WWOX: variants seen among roughly 807,000 people sequenced by gnomAD.
WWOX encodes the protein WW domain-containing oxidoreductase.
Under a neutral mutation model 46.2 loss-of-function variants are expected in WWOX, and 69 were observed. That is an observed-to-expected ratio of 1.49 (90% CI 1.23 to 1.82). The LOEUF is 1.82. WWOX is among the 40% of genes most tolerant of loss of function. The pLI is 0.00. For missense variants in WWOX, 919 were observed against 542.6 expected, an observed-to-expected ratio of 1.69 and a Z score of -6.89; for synonymous variants, 359 against 202.6, an observed-to-expected ratio of 1.77 and a Z score of -6.56.
At chr16:78,109,449 G>T (rs1043946840) in intron 2 of WWOX, among the ~76,000 whole-genome samples, 2 of 152,306 alleles carry the variant, frequency 1.3e-5, no homozygotes, top group South Asian at 2.1e-4. Flanking sequence ...AATGACGTTG[G>T]GTGCCTGCCC....
chr16:78,631,896 A>G (rs1447681966), intron 8 of WWOX, among the ~76,000 whole-genome samples: 1 of 152,166 alleles, frequency 6.6e-6, no homozygotes, highest in Non-Finnish European at 1.5e-5. Context: ...TCTGTCTTAC[A>G]TGCACTTTTT....
At position 79,202,315 on chromosome 16, in the gene WWOX, G is replaced by A. The variant is rs193123371; in HGVS notation, c.1057-9293G>A. Among the ~76,000 whole-genome samples the A allele has an allele frequency of 1.4e-3, 219 of 152,274 alleles. 2 individuals carry two copies. The highest frequency in any genetic ancestry group is 4.4e-3 in the Admixed American group (67 of 15,292). On this transcript the variant is annotated intron_variant, in intron 8 of 8. Transcript: ENST00000566780. ...TTGGCCTTGACCTGACTCAGTCTCC[G>A]TATTGTTGAGATGGGAATGACGGGA...
intron 4 of WWOX, among the ~76,000 whole-genome samples, chr16:78,127,437 T>A (rs1440283093): frequency 6.6e-6 from 1 of 151,614 alleles, no homozygotes; most frequent in Non-Finnish European, 1.5e-5. Flanking sequence ...CACTGGCTTG[T>A]CTTTGGTATG....
At chr16:78,455,682 G>T (rs1437384057) in intron 8 of WWOX, among the ~76,000 whole-genome samples, 33 of 138,132 alleles carry the variant, frequency 2.4e-4, no homozygotes, top group African/African-American at 8.5e-4. Flanking sequence ...CAAAATTGAT[G>T]CAAAAAATAT....
chr16:78,997,662 C>G (rs761830600), intron 8 of WWOX, among the ~76,000 whole-genome samples: 18 of 152,100 alleles, frequency 1.2e-4, no homozygotes, highest in Non-Finnish European at 2.5e-4. Context: ...CCCTCCCTGT[C>G]TCTCCCCTCT....
intron 8 of WWOX, among the ~76,000 whole-genome samples, chr16:78,648,729 C>G (rs969190966): frequency 6.6e-6 from 1 of 152,162 alleles, no homozygotes; most frequent in Non-Finnish European, 1.5e-5. Flanking sequence ...TGGAAGTCAT[C>G]CACTTTCTTT....
chr16:79,083,898 C>T (rs1242273875), intron 8 of WWOX, among the ~76,000 whole-genome samples: 3 of 152,192 alleles, frequency 2.0e-5, no homozygotes, highest in Admixed American at 2.0e-4. Context: ...GACATTTCTT[C>T]ATCTTCCTGC....
chr16:79,065,424 G>A (rs1299815569), intron 8 of WWOX, among the ~76,000 whole-genome samples: 1 of 152,200 alleles, frequency 6.6e-6, no homozygotes. Flanking sequence ...ATTGGTTGGG[G>A]ATGAAATCAT....
chr16:78,697,309 C>G (rs1439360319), intron 8 of WWOX, among the ~76,000 whole-genome samples: 3 of 152,188 alleles, frequency 2.0e-5, no homozygotes, highest in Non-Finnish European at 4.4e-5. Flanking sequence ...CTGCTCACCG[C>G]ATTCACGCCA....
chr16:78,215,944 T>G (rs2036705114), intron 5 of WWOX, among the ~76,000 whole-genome samples: 1 of 150,614 alleles, frequency 6.6e-6, no homozygotes, highest in Non-Finnish European at 1.5e-5. Flanking sequence ...AGAAAACAGA[T>G]TAATACAATG....
chr16:79,166,457 G>T (rs1482996796), intron 8 of WWOX, among the ~76,000 whole-genome samples: 1 of 152,136 alleles, frequency 6.6e-6, no homozygotes, highest in African/African-American at 2.4e-5. Flanking sequence ...CAGAGCCACT[G>T]TGTACTTTCA....
At chr16:78,565,826 TCTTC>T (rs2044551169) in intron 8 of WWOX, among the ~76,000 whole-genome samples, 1 of 151,648 alleles carries the variant, frequency 6.6e-6, no homozygotes, top group Admixed American at 6.6e-5. Context: ...GTGATGGGAG[TCTTC>T]CTTATGAAGC....
intron 4 of WWOX, among the ~76,000 whole-genome samples, chr16:78,142,403 A>T (rs546712433): frequency 6.6e-6 from 1 of 152,212 alleles, no homozygotes; most frequent in Non-Finnish European, 1.5e-5. Flanking sequence ...ATGCAATGAA[A>T]ACATTTGTAA....
chr16:78,973,119 C>T (rs2046504117), intron 8 of WWOX, among the ~76,000 whole-genome samples: 1 of 152,190 alleles, frequency 6.6e-6, no homozygotes, highest in South Asian at 2.1e-4. Flanking sequence ...TCCTCTCATT[C>T]CCTTCCCGTA....
At chr16:78,794,588 T>G (rs758709354) in intron 8 of WWOX, among the ~76,000 whole-genome samples, 2 of 152,216 alleles carry the variant, frequency 1.3e-5, no homozygotes, top group African/African-American at 4.8e-5. Flanking sequence ...AGTGTTGCTG[T>G]GAGAATTAAC....
At chr16:78,374,186 C>G (rs2081762106) in intron 5 of WWOX, among the ~76,000 whole-genome samples, 1 of 152,164 alleles carries the variant, frequency 6.6e-6, no homozygotes. Flanking sequence ...ATGATTCTTT[C>G]CTCCCTTTCT....
chr16:78,198,824 A>G (rs2036141082), intron 5 of WWOX, among the ~76,000 whole-genome samples: 2 of 152,332 alleles, frequency 1.3e-5, no homozygotes, highest in African/African-American at 4.8e-5. Context: ...ATGCATACAT[A>G]TATGTAATGG....
chr16:78,965,056 G>A (rs993759803), intron 8 of WWOX, among the ~76,000 whole-genome samples: 4 of 152,204 alleles, frequency 2.6e-5, no homozygotes, highest in Non-Finnish European at 5.9e-5. Context: ...TGCATGGGTG[G>A]AGCCCTCATG....
intron 8 of WWOX, among the ~76,000 whole-genome samples, chr16:78,555,770 C>T (rs2044279226): frequency 6.6e-6 from 1 of 151,990 alleles, no homozygotes; most frequent in South Asian, 2.1e-4. Flanking sequence ...CAAAAGAAGC[C>T]TCTTGTTTGA....
Sources: gnomAD v4.1 joint callset for allele counts (sites outside exome capture counted in the v4.1 genomes callset) on GRCh38, gnomAD v4.1.1 for gene constraint, MANE v1.5 for transcripts, NCBI Gene and HGNC (gene_info 2026-07-23, HGNC 2026-07-21) for gene names.